ENOX1: variants seen among roughly 807,000 people sequenced by gnomAD.
ENOX1 encodes candidate growth-related and time keeping constitutive hydroquinone (NADH) oxidase.
ENOX1 carries 42 observed loss-of-function variants against 82.5 expected under a neutral mutation model. That is an observed-to-expected ratio of 0.51 (90% CI 0.40 to 0.66). ENOX1 has a LOEUF of 0.66. Among genes scored for constraint, ENOX1 ranks in the 30% least tolerant of loss-of-function variants. ENOX1 has a pLI of 0.00. For missense variants in ENOX1, 608 were observed against 811.6 expected (o/e 0.75, Z 3.05); for synonymous variants, 271 against 282.2 (o/e 0.96, Z 0.40).
intron 3 of ENOX1, among the ~76,000 whole-genome samples, 191 bp downstream of exon 3, chr13:43,483,818 G>A (rs1253218319): frequency 6.6e-6 from 1 of 151,922 alleles, no homozygotes; most frequent in Non-Finnish European, 1.5e-5. Flanking sequence ...ATTCCACAGG[G>A]TATACATAAA....
intron 8 of ENOX1, among the ~76,000 whole-genome samples, chr13:43,353,722 T>C (rs2049959579): frequency 6.6e-6 from 1 of 152,256 alleles, no homozygotes; most frequent in Admixed American, 6.5e-5. Flanking sequence ...GCCTAAGATG[T>C]ATCCCCAGCT....
At chr13:43,389,728 A>G (rs1046360546) in intron 5 of ENOX1, among the ~76,000 whole-genome samples, 2 of 152,210 alleles carry the variant, frequency 1.3e-5, no homozygotes, top group Non-Finnish European at 2.9e-5. Flanking sequence ...CCCTAAGTTC[A>G]TATGCCTGAA....
At chr13:43,463,049 T>A (rs2057560204) in intron 3 of ENOX1, among the ~76,000 whole-genome samples, 1 of 152,326 alleles carries the variant, frequency 6.6e-6, no homozygotes, top group Non-Finnish European at 1.5e-5. Context: ...GAATGCTATT[T>A]TCTAAATAAG....
In ENOX1 at chr13:43,420,101, C is replaced by G. The variant is rs1183138791; in HGVS notation, c.-74-7113G>C. The stretch of plus-strand genomic sequence containing the variant: ...GTAAAAAGAAAGATACATTTCCTTC[C>G]AAAGTTCACTCTCCTTTTCCATCAC... On this transcript the variant is annotated intron_variant, in intron 3 of 16. Coordinates refer to ENST00000690772, the MANE Select transcript of ENOX1 (RefSeq NM_001347969.2). Among the ~76,000 whole-genome samples the G allele has an allele frequency of 5.3e-5, 8 of 152,292 alleles. 1 individual carries two copies. The South Asian group carries it at 1.0e-3, about 20-fold the overall frequency.
At chr13:43,221,476 A>C (rs1320779612) in intron 16 of ENOX1, among the ~76,000 whole-genome samples, 1 of 152,168 alleles carries the variant, frequency 6.6e-6, no homozygotes, top group Non-Finnish European at 1.5e-5. Context: ...TGCTCTGGGC[A>C]TGATTTTTGA....
intron 5 of ENOX1, among the ~76,000 whole-genome samples, chr13:43,400,089 GGATA>G (rs1477810214): frequency 6.6e-6 from 1 of 151,964 alleles, no homozygotes; most frequent in Non-Finnish European, 1.5e-5. Context: ...ATCCAACCTT[GGATA>G]AACCCACAGA....
At chr13:43,752,147 T>A (rs1321216072) in intron 1 of ENOX1, among the ~76,000 whole-genome samples, 4 of 152,202 alleles carry the variant, frequency 2.6e-5, no homozygotes, top group Non-Finnish European at 4.4e-5. Flanking sequence ...ATGTTGAGCA[T>A]CTTCTCATGT....
intron 1 of ENOX1, among the ~76,000 whole-genome samples, chr13:43,764,468 T>TG (rs1951158737): frequency 6.6e-6 from 1 of 152,230 alleles, no homozygotes; most frequent in African/African-American, 2.4e-5. Flanking sequence ...TGAAAAGAGT[T>TG]ACACTTGATC....
At chr13:43,534,239 G>T (rs1353074668) in intron 2 of ENOX1, among the ~76,000 whole-genome samples, 1 of 152,084 alleles carries the variant, frequency 6.6e-6, no homozygotes, top group Non-Finnish European at 1.5e-5. Context: ...AGGCTCCTCT[G>T]GGCCTAGGAT....
At chr13:43,614,704 C>T (rs2082335393) in intron 2 of ENOX1, among the ~76,000 whole-genome samples, 1 of 152,112 alleles carries the variant, frequency 6.6e-6, no homozygotes. Flanking sequence ...CTAAGAGCCA[C>T]TAGGCTGTAA....
intron 16 of ENOX1, among the ~76,000 whole-genome samples, chr13:43,217,373 G>A (rs929735354): frequency 6.6e-6 from 1 of 152,106 alleles, no homozygotes; most frequent in African/African-American, 2.4e-5. Flanking sequence ...CCATCAAAAC[G>A]GTAAGCAAAT....
At chr13:43,567,044 C>A (rs1006371241) in intron 2 of ENOX1, among the ~76,000 whole-genome samples, 4 of 152,104 alleles carry the variant, frequency 2.6e-5, no homozygotes, top group African/African-American at 9.7e-5. Flanking sequence ...TCCAAGAAAT[C>A]AATTTGTTTA....
chr13:43,326,795 T>C (rs77907882), intron 9 of ENOX1, among the ~76,000 whole-genome samples: 238 of 152,328 alleles, frequency 1.6e-3, no homozygotes, highest in Admixed American at 2.6e-3. Flanking sequence ...TCTTTAGCTG[T>C]TGTTTCAATA....
At chr13:43,289,518 TAGAC>T (rs2045883236) in intron 12 of ENOX1, among the ~76,000 whole-genome samples, 1 of 152,306 alleles carries the variant, frequency 6.6e-6, no homozygotes, top group South Asian at 2.1e-4. Flanking sequence ...TGACTAGCCT[TAGAC>T]AGAAGATTGA....
chr13:43,562,593 T>C (rs2079730418), intron 2 of ENOX1, among the ~76,000 whole-genome samples: 1 of 151,788 alleles, frequency 6.6e-6, no homozygotes, highest in African/African-American at 2.4e-5. Flanking sequence ...GCTGAACAGA[T>C]AAAACAAAAC....
chr13:43,433,203 A>G (rs539845560), intron 3 of ENOX1, among the ~76,000 whole-genome samples: 141 of 152,262 alleles, frequency 9.3e-4, no homozygotes, highest in Admixed American at 2.9e-3. Flanking sequence ...ATGGCAGAGA[A>G]AATCAAGGGG....
chr13:43,393,294 GC>G (rs748172232), intron 5 of ENOX1, among the ~76,000 whole-genome samples: 11 of 152,178 alleles, frequency 7.2e-5, no homozygotes, highest in Non-Finnish European at 1.6e-4. Context: ...GTAATCACAA[GC>G]TTTTAAGAAA....
intron 1 of ENOX1, among the ~76,000 whole-genome samples, chr13:43,733,393 C>T (rs917777780): frequency 7.2e-5 from 11 of 152,146 alleles, no homozygotes; most frequent in Admixed American, 7.2e-4. Context: ...TTATTTTCCA[C>T]ACAAAGAACT....
chr13:43,536,834 G>A (rs2078481546), intron 2 of ENOX1, among the ~76,000 whole-genome samples: 1 of 152,188 alleles, frequency 6.6e-6, no homozygotes, highest in African/African-American at 2.4e-5. Flanking sequence ...GTATCTAAAT[G>A]GATGCTCTAT....
Sources: gnomAD v4.1 joint callset for allele counts (sites outside exome capture counted in the v4.1 genomes callset) on GRCh38, gnomAD v4.1.1 for gene constraint, MANE v1.5 for transcripts, NCBI Gene and HGNC (gene_info 2026-07-23, HGNC 2026-07-21) for gene names.